Variants in SI observed in about 807,000 individuals in gnomAD.
The protein encoded by SI is sucrase-isomaltase, also known as sucrase-isomaltase, intestinal.
SI carries 235 observed loss-of-function variants against 253.3 expected under a neutral mutation model. That is an observed-to-expected ratio of 0.93 (90% CI 0.83 to 1.03). The LOEUF (loss-of-function observed/expected upper bound fraction) is 1.03. Among genes scored for constraint, SI ranks in the 50% least tolerant of loss-of-function variants. The pLI is 0.00. For missense variants in SI, 2,442 were observed against 2,211.1 expected (o/e 1.10, Z -2.09); for synonymous variants, 819 against 712.0 (o/e 1.15, Z -2.39).
the SI span, among the ~76,000 whole-genome samples, chr3:165,087,490 A>G: frequency 6.6e-6 from 1 of 151,832 alleles, no homozygotes; most frequent in Non-Finnish European, 1.5e-5. Context: ...CAAGCCAACC[A>G]TCCTTACAAC....
At chr3:165,060,212 A>G (rs1217498544) in intron 9 of SI, among the ~76,000 whole-genome samples, 185 bp from the exon 10 acceptor site, 4 of 152,050 alleles carry the variant, frequency 2.6e-5, no homozygotes, top group African/African-American at 7.2e-5. Context: ...ATGTGTTATG[A>G]AATTTTTAAC....
At chr3:165,026,866 A>T (rs1337085685) in intron 25 of SI, among the ~76,000 whole-genome samples, 1 of 151,338 alleles carries the variant, frequency 6.6e-6, no homozygotes, top group Non-Finnish European at 1.5e-5. Context: ...TACACCAAAA[A>T]GTCTGAAAGA....
chr3:165,002,873 T>C (rs1039903361), intron 37 of SI, among the ~76,000 whole-genome samples: 1 of 151,776 alleles, frequency 6.6e-6, no homozygotes, highest in Non-Finnish European at 1.5e-5. Context: ...ATTTAAGTAA[T>C]GTGATTGAAA....
upstream of SI, among the ~76,000 whole-genome samples, chr3:165,079,946 T>G (rs2108125879): frequency 8.5e-6 from 1 of 118,246 alleles, no homozygotes; most frequent in South Asian, 2.7e-4. Flanking sequence ...TTTGCCACTA[T>G]TAGATCTACA....
chr3:165,049,802 G>C lies in SI; in HGVS notation c.1586C>G (p.Pro529Arg), dbSNP rs779540674. 2 of 1,588,906 alleles carry C rather than the reference G, an allele frequency of 1.3e-6. No individual in the cohort carries two copies. Among genetic ancestry groups the C allele is most frequent in the African/African-American group, 1.3e-5 (1 of 74,394 alleles). Reference protein sequence around the residue: ...GCNVNKLNYPPFTPDILDKLM... With the variant: ...GCNVNKLNYPRFTPDILDKLM... ...CAAATAAATTTTACCAGGAGTAAAC[G>C]GTGGATAATTCAATTTGTTTACATT... Residue 529 changes from proline (P) to arginine (R), a missense_variant, in exon 14 of 48, where the codon CCG becomes CGG. Pro to Arg is a moderately radical substitution (Grantham distance 103). Coordinates refer to ENST00000264382, the MANE Select transcript of SI (RefSeq NM_001041.4).
rs769016615 is a variant in SI, at chr3:164,979,409, T to G, written c.5437A>C (p.Thr1813Pro). 5.7e-6 allele frequency: 9 copies of G among 1,568,100 alleles called. No individual in the cohort carries two copies. The highest frequency in any genetic ancestry group is 7.9e-6 in the Non-Finnish European group (9 of 1,139,666). Residue 1813 changes from threonine (T) to proline (P), a missense_variant, in exon 48 of 48, where the codon ACA (threonine) becomes CCA (proline). Thr to Pro is a conservative substitution (Grantham distance 38). Transcript: ENST00000264382. ...GGTTCTTCTAGAGTAACATTGTGTG[T>G]GGTCAGATCAATACGTAATATCTAA... is the stretch of plus-strand genomic sequence containing the variant. ...TNMILRIDLT[T>P]HNVTLEEPIE...
Position 165,063,522 on chromosome 3 carries a change from C to A in SI, c.827G>T (p.Gly276Val). ...LPGDNNNNLY[G>V]HQTFFMCIED... ...AATACACATAAAGAATGTTTGATGG[C>A]CGTATAAATTATTATTATTCTATAA... is the stretch of plus-strand genomic sequence containing the variant. Residue 276 changes from glycine to valine, a missense_variant, in exon 8 of 48, where the codon GGC (glycine) becomes GTC (valine). Coordinates refer to ENST00000264382, the MANE Select transcript of SI (RefSeq NM_001041.4). The A allele has an allele frequency of 6.6e-7, 1 of 1,514,640 alleles. No homozygotes were observed. The highest frequency in any genetic ancestry group is 9.1e-7 in the Non-Finnish European group (1 of 1,101,078). The allele number at this position is 1,514,640 out of a possible 1,614,324, so 93.8% of individuals were successfully genotyped here.
At chr3:165,068,448 A>T (rs1714368535) in intron 5 of SI, among the ~76,000 whole-genome samples, 1 of 152,206 alleles carries the variant, frequency 6.6e-6, no homozygotes, top group African/African-American at 2.4e-5. Flanking sequence ...CAAATGTCTC[A>T]CTGAAAGCCC....
At chr3:164,985,731 C>A (rs1252970017) in intron 45 of SI, among the ~76,000 whole-genome samples, 2 of 152,102 alleles carry the variant, frequency 1.3e-5, no homozygotes, top group African/African-American at 4.8e-5. Flanking sequence ...GAACGCTCAT[C>A]TAGTAGTACT....
At chr3:164,993,602 G>T (rs1009280912) in intron 41 of SI, among the ~76,000 whole-genome samples, 7 of 151,466 alleles carry the variant, frequency 4.6e-5, no homozygotes, top group South Asian at 2.1e-4. Context: ...ATTATTCGGG[G>T]TTTTTTTGTT....
At chr3:164,979,639 T>A (rs902018754) in intron 47 of SI, among the ~76,000 whole-genome samples, 8 of 151,672 alleles carry the variant, frequency 5.3e-5, no homozygotes, top group Admixed American at 5.3e-4. Flanking sequence ...AAAATAAATC[T>A]CAGAAAGGTG....
chr3:165,032,736 A>T lies in SI; in HGVS notation c.2566-44T>A, dbSNP rs1485466945. ...GATATTATATATTAGGTCATCAGAT[A>T]CAAACCTGAAATAACAATACCGATA... On this transcript the variant is annotated intron_variant, in intron 23 of 47. Transcript: ENST00000264382. 2.3e-6 allele frequency: 3 copies of T among 1,320,470 alleles called. No individual in the cohort carries two copies. The African/African-American group carries it at 4.4e-5, about 19-fold the overall frequency. 81.8% of individuals were successfully genotyped at this position (1,320,470 alleles called of 1,614,324 possible).
chr3:165,048,167 ACACT>A (rs983592602), intron 15 of SI, among the ~76,000 whole-genome samples: 24 of 152,126 alleles, frequency 1.6e-4, no homozygotes, highest in Admixed American at 6.6e-4. Context: ...ATTTGAATAA[ACACT>A]CAATCACAAC....
intron 41 of SI, 144 bp downstream of exon 41, chr3:164,994,113 G>C (rs1717902837): frequency 2.9e-6 from 2 of 680,332 alleles, no homozygotes; most frequent in Admixed American, 5.1e-5. Flanking sequence ...TTGTGTAAAT[G>C]CTTTATTAAT....
chr3:165,055,109 A>C (rs911944382), intron 13 of SI, 85 bp downstream of exon 13: 14 of 842,470 alleles, frequency 1.7e-5, no homozygotes, highest in African/African-American at 1.0e-4. Context: ...CATCAGAAAA[A>C]AATATTTTGT....
Position 165,017,603 on chromosome 3 carries a change from T to C in SI, c.3704A>G (p.Asn1235Ser), listed in dbSNP as rs769650732. 12 of 1,612,706 alleles carry C rather than the reference T, an allele frequency of 7.4e-6. No homozygotes were observed. The South Asian group carries it at 1.1e-4, about 15-fold the overall frequency. The change falls in exon 31 of 48, where the codon AAT (asparagine) becomes AGT (serine). Residue 1235 changes from asparagine to serine, a missense_variant. Physicochemically the swap from Asn to Ser is conservative, Grantham distance 46. Transcript: ENST00000264382. ...ATATAATTCCCGAACCTCTGAAGTA[T>C]TTGCATATCCATAACGACATAATTG... ...GFQLCRYGYA[N>S]TSEVRELYDA... is the part of the protein sequence containing the mutation.
At chr3:165,016,194 C>A in intron 31 of SI, 114 bp from the exon 32 acceptor site, 2 of 881,978 alleles carry the variant, frequency 2.3e-6, no homozygotes, top group Admixed American at 3.6e-5. Context: ...TTCCTCTTCA[C>A]TAGATCCTAA....
At chr3:165,069,016 T>C in intron 4 of SI, 62 bp downstream of exon 4, 2 of 1,197,910 alleles carry the variant, frequency 1.7e-6, no homozygotes, top group Admixed American at 1.7e-5. Context: ...TAAGGTATTT[T>C]CCACATTTTC....
At chr3:165,081,264 A>ATATTAATATATTAATAT (rs1715312539), upstream of SI, among the ~76,000 whole-genome samples, 1 of 152,064 alleles carries the variant, frequency 6.6e-6, no homozygotes, top group Non-Finnish European at 1.5e-5. Flanking sequence ...AAGTTGTCCA[A>ATATTAATATATTAATAT]AAACTTTAAA....
Sources: allele counts gnomAD v4.1 joint callset (sites outside exome capture counted in the v4.1 genomes callset), GRCh38; gene constraint gnomAD v4.1.1; transcripts MANE v1.5; gene names NCBI Gene and HGNC (gene_info 2026-07-23, HGNC 2026-07-21).